The following TXNDC12 variants were observed in gnomAD, a reference collection of about 807,000 sequenced individuals.
The protein encoded by TXNDC12 is thioredoxin domain-containing protein 12.
A neutral mutation model predicts 24.2 loss-of-function variants in TXNDC12; 22 were observed. The ratio of observed to expected loss-of-function variants is 0.91; its 90% CI spans 0.65 to 1.30. The LOEUF is 1.30. TXNDC12 is among the 50% of genes most tolerant of loss of function. The probability of loss-of-function intolerance (pLI) is 0.00; values close to 1 mark genes in which losing one functional copy is unlikely to be tolerated. For synonymous variants in TXNDC12, 58 were observed against 73.4 expected (o/e 0.79, Z 1.07); for missense variants, 184 against 205.8 (o/e 0.89, Z 0.65).
intron 2 of TXNDC12, among the ~76,000 whole-genome samples, chr1:52,040,433 C>T (rs1685963755): frequency 6.6e-6 from 1 of 152,100 alleles, no homozygotes; most frequent in African/African-American, 2.4e-5. Flanking sequence ...GTGATCTGCC[C>T]GCCTCAACCT....
At position 52,020,613 on chromosome 1, in the gene TXNDC12, A is replaced by G; in HGVS notation, c.*320T>C. 1 of 336,946 alleles carries G rather than the reference A, an allele frequency of 3.0e-6. No individual in the cohort carries two copies. 20.9% of individuals were successfully genotyped at this position (336,946 alleles called of 1,614,324 possible). On this transcript the variant is annotated 3_prime_UTR_variant, in exon 7 of 7. Coordinates refer to ENST00000371626, the MANE Select transcript of TXNDC12 (RefSeq NM_015913.4). ...AGTGGGAGGAAATGGGAAAAGACTC[A>G]AATACTTAAGTGCGAGGAGTAAACA...
chr1:52,046,867 ATATATAT>A (rs1267135220), intron 1 of TXNDC12, among the ~76,000 whole-genome samples: 531 of 31,252 alleles, frequency 0.017, 4 homozygotes, highest in Middle Eastern at 0.043. Context: ...AAAAAAAAAA[ATATATAT>A]ATATATATAT....
chr1:52,043,993 C>G (rs148075642), intron 1 of TXNDC12: 12 of 152,314 alleles, frequency 7.9e-5, no homozygotes, highest in African/African-American at 2.6e-4. Context: ...AGATTTGACT[C>G]TGAAGAGTGA....
chr1:52,027,464 C>A, intron 3 of TXNDC12, 116 bp from the exon 4 acceptor site: 2 of 791,004 alleles, frequency 2.5e-6, no homozygotes, highest in South Asian at 1.8e-5. Context: ...TTAGTTGATT[C>A]ATATAACAAA....
At chr1:52,045,639 G>A (rs916689113) in intron 1 of TXNDC12, among the ~76,000 whole-genome samples, 1 of 152,046 alleles carries the variant, frequency 6.6e-6, no homozygotes, top group East Asian at 1.9e-4. Flanking sequence ...CCTAGCAAAC[G>A]AATACATATG....
At position 52,027,473 on chromosome 1, in the gene TXNDC12, A is replaced by G. The variant is rs1419884537; in HGVS notation, c.212-125T>C. ...ATTTGTTTAGTTGATTCATATAACA[A>G]ACTTTTTTTACACTCTAAAAAACAA... On this transcript the variant is annotated intron_variant, in intron 3 of 6. Coordinates refer to ENST00000371626, the MANE Select transcript of TXNDC12 (RefSeq NM_015913.4). 2.8e-5 allele frequency: 20 copies of G among 704,614 alleles called. No homozygotes were observed. The South Asian group carries it at 3.8e-4, about 13-fold the overall frequency. 43.6% of individuals were successfully genotyped at this position (704,614 alleles called of 1,614,324 possible). A position where few individuals can be genotyped will look rare whatever the true frequency, so the allele number is the denominator to read the frequency against.
intron 6 of TXNDC12, among the ~76,000 whole-genome samples, chr1:52,021,490 G>C (rs890430898): frequency 5.3e-5 from 8 of 150,062 alleles, no homozygotes; most frequent in Non-Finnish European, 7.5e-5. Flanking sequence ...GCTGGGGCGG[G>C]GGTGTCTCTA....
At position 52,027,262 on chromosome 1, in the gene TXNDC12, C is replaced by T. The variant is rs1241401048; in HGVS notation, c.285+13G>A. 6.3e-7 allele frequency: 1 copy of T among 1,590,022 alleles called. No individual in the cohort carries two copies. The highest frequency in any genetic ancestry group is 1.7e-4 in the Middle Eastern group (1 of 5,930). ...AAAATCATAGCAGAAAGGAGAAACT[C>T]TCAAAGTCTTACCTCAAGATTTACC... On this transcript the variant is annotated intron_variant, in intron 4 of 6. Coordinates refer to ENST00000371626, the MANE Select transcript of TXNDC12 (RefSeq NM_015913.4).
At chr1:52,048,185 C>T (rs1438739555) in intron 1 of TXNDC12, among the ~76,000 whole-genome samples, 2 of 152,112 alleles carry the variant, frequency 1.3e-5, no homozygotes, top group African/African-American at 4.8e-5. Context: ...GCATACCTAG[C>T]CAGTTGTGGT....
chr1:52,048,029 A>C (rs1427506019), intron 1 of TXNDC12, among the ~76,000 whole-genome samples: 1 of 152,240 alleles, frequency 6.6e-6, no homozygotes, highest in Admixed American at 6.5e-5. Flanking sequence ...ACAGAAAAAA[A>C]CAGTAGAAAC....
chr1:52,046,673 C>T (rs951454909), intron 1 of TXNDC12, among the ~76,000 whole-genome samples: 10 of 151,284 alleles, frequency 6.6e-5, no homozygotes, highest in African/African-American at 2.2e-4. Flanking sequence ...GTCAGGAGTT[C>T]GAGACCAGCC....
At chr1:52,035,034 G>T (rs886967338) in intron 2 of TXNDC12, among the ~76,000 whole-genome samples, 1 of 152,132 alleles carries the variant, frequency 6.6e-6, no homozygotes, top group Non-Finnish European at 1.5e-5. Flanking sequence ...AAAGTGCTGG[G>T]GTTAAAGGCA....
chr1:52,049,791 G>A (rs1346319979), intron 1 of TXNDC12, among the ~76,000 whole-genome samples: 1 of 151,852 alleles, frequency 6.6e-6, no homozygotes, highest in East Asian at 1.9e-4. Flanking sequence ...GCCCGCCTTG[G>A]CCTCCCAAAC....
At chr1:52,024,386 T>C (rs1480660765) in intron 5 of TXNDC12, 124 bp downstream of exon 5, 1 of 755,204 alleles carries the variant, frequency 1.3e-6, no homozygotes, top group Non-Finnish European at 2.2e-6. Flanking sequence ...CCACTCTCTC[T>C]TGAAACTGGT....
chr1:52,032,230 A>G, intron 2 of TXNDC12: 1 of 986,486 alleles, frequency 1.0e-6, no homozygotes, highest in South Asian at 4.7e-5. Context: ...CAGAATAGAA[A>G]CTAGCAAAAA....
chr1:52,035,937 C>T (rs1685875620), intron 2 of TXNDC12, among the ~76,000 whole-genome samples: 1 of 152,126 alleles, frequency 6.6e-6, no homozygotes, highest in Non-Finnish European at 1.5e-5. Context: ...TGCTCTTGGG[C>T]AAGTTATTTT....
intron 2 of TXNDC12, among the ~76,000 whole-genome samples, chr1:52,037,323 C>T (rs1189478782): frequency 2.0e-5 from 3 of 151,746 alleles, no homozygotes; most frequent in African/African-American, 7.3e-5. Context: ...AGCAATTCTC[C>T]TGCCTCAGCC....
Position 52,051,868 on chromosome 1 carries a change from GT to G in TXNDC12, c.97+3131del, listed in dbSNP as rs757876539. On this transcript the variant is annotated intron_variant, in intron 1 of 6. Coordinates refer to ENST00000371626, the MANE Select transcript of TXNDC12 (RefSeq NM_015913.4). ...GCCTCAGGTAGCACTTTTTTGGAAGGTAGGGTAAGTGGGGTATAATCTACTT... is the reference window on the plus strand; with the variant it reads ...GCCTCAGGTAGCACTTTTTTGGAAGGAGGGTAAGTGGGGTATAATCTACTT... 1.2e-4 allele frequency: 21 copies of G among 169,406 alleles called. No individual in the cohort carries two copies. In the East Asian group the frequency reaches 1.9e-3, roughly 16 times the overall value. 10.5% of individuals were successfully genotyped at this position (169,406 alleles called of 1,614,324 possible).
chr1:52,032,540 T>C, intron 2 of TXNDC12: 1 of 1,392,614 alleles, frequency 7.2e-7, no homozygotes, highest in Non-Finnish European at 9.3e-7. Flanking sequence ...ACCCAAGGCC[T>C]GGCACAGGGG....
Sources: gnomAD v4.1 joint callset for allele counts (sites outside exome capture counted in the v4.1 genomes callset) on GRCh38, gnomAD v4.1.1 for gene constraint, MANE v1.5 for transcripts, NCBI Gene and HGNC (gene_info 2026-07-23, HGNC 2026-07-21) for gene names.